Variants in RCAN2 observed in about 807,000 individuals in gnomAD.
The protein encoded by RCAN2 is regulator of calcineurin 2, also known as calcipressin-2.
Under a neutral mutation model 23.6 loss-of-function variants are expected in RCAN2, and 9 were observed. That is an observed-to-expected ratio of 0.38 (90% CI 0.23 to 0.67). The LOEUF is 0.67. RCAN2 is among the 30% of genes least tolerant of loss of function. The pLI is 0.51. For missense variants in RCAN2, 273 were observed against 302.3 expected (o/e 0.90, Z 0.72); for synonymous variants, 109 against 115.7 (o/e 0.94, Z 0.37).
intron 4 of RCAN2, among the ~76,000 whole-genome samples, chr6:46,224,077 G>A (rs1276384299): frequency 2.0e-5 from 3 of 152,182 alleles, no homozygotes; most frequent in Non-Finnish European, 2.9e-5. Flanking sequence ...ATAAAATGGT[G>A]AGCACTATGG....
chr6:46,396,202 G>C (rs1001169347), intron 2 of RCAN2, among the ~76,000 whole-genome samples: 1 of 152,034 alleles, frequency 6.6e-6, no homozygotes, highest in Admixed American at 6.6e-5. Flanking sequence ...TACAATTTTA[G>C]AATCATTTTT....
chr6:46,255,134 A>G (rs1766862758), intron 2 of RCAN2, among the ~76,000 whole-genome samples: 1 of 152,172 alleles, frequency 6.6e-6, no homozygotes, highest in African/African-American at 2.4e-5. Flanking sequence ...AGACCTACAG[A>G]ACCAGATGAC....
chr6:46,228,832 T>G (rs1765772436), intron 4 of RCAN2, among the ~76,000 whole-genome samples: 1 of 152,230 alleles, frequency 6.6e-6, no homozygotes, highest in Admixed American at 6.5e-5. Context: ...CTGGTTATTT[T>G]GTTCATTAGT....
At chr6:46,428,626 A>G (rs1767100844) in intron 2 of RCAN2, among the ~76,000 whole-genome samples, 1 of 152,220 alleles carries the variant, frequency 6.6e-6, no homozygotes, top group Non-Finnish European at 1.5e-5. Context: ...AGGGCCCAGG[A>G]CAGAGGAGCA....
At chr6:46,460,742 T>C (rs1358519394) in intron 1 of RCAN2, among the ~76,000 whole-genome samples, 1 of 152,190 alleles carries the variant, frequency 6.6e-6, no homozygotes, top group Non-Finnish European at 1.5e-5. Context: ...TAGAAAGCCC[T>C]CAAAATAATG....
chr6:46,279,141 G>A (rs1169412699), intron 2 of RCAN2, among the ~76,000 whole-genome samples: 1 of 152,122 alleles, frequency 6.6e-6, no homozygotes, highest in African/African-American at 2.4e-5. Context: ...ATAGTTTGAA[G>A]ACCTTCCCAT....
At chr6:46,462,056 A>G (rs1768232478) in intron 1 of RCAN2, among the ~76,000 whole-genome samples, 2 of 152,212 alleles carry the variant, frequency 1.3e-5, no homozygotes, top group African/African-American at 4.8e-5. Context: ...GGAAGTTGGC[A>G]CTGCAGAGGT....
chr6:46,266,155 G>C (rs1043229429), intron 2 of RCAN2, among the ~76,000 whole-genome samples: 43 of 152,280 alleles, frequency 2.8e-4, no homozygotes, highest in African/African-American at 1.0e-3. Context: ...TGAAGTTTAA[G>C]AGGTACCAGT....
chr6:46,402,317 C>T (rs897373483), intron 2 of RCAN2, among the ~76,000 whole-genome samples: 1 of 152,050 alleles, frequency 6.6e-6, no homozygotes, highest in Non-Finnish European at 1.5e-5. Context: ...CGTTGGGGCT[C>T]AGAAAATGAT....
chr6:46,268,187 C>A (rs573193566), intron 2 of RCAN2, among the ~76,000 whole-genome samples: 1 of 152,168 alleles, frequency 6.6e-6, no homozygotes, highest in Admixed American at 6.5e-5. Context: ...AATTTTTACT[C>A]GCTTCATTAA....
intron 2 of RCAN2, among the ~76,000 whole-genome samples, chr6:46,322,222 A>G (rs1277817881): frequency 6.6e-6 from 1 of 152,210 alleles, no homozygotes; most frequent in East Asian, 1.9e-4. Context: ...ACTGGAGAAC[A>G]TCAACCCTGC....
intron 2 of RCAN2, among the ~76,000 whole-genome samples, chr6:46,307,410 G>A (rs1763106334): frequency 2.0e-5 from 3 of 152,130 alleles, no homozygotes; most frequent in African/African-American, 7.2e-5. Flanking sequence ...AAGGCTGAGT[G>A]AGTGTATGTA....
At chr6:46,484,078 T>C (rs980765427) in intron 1 of RCAN2, among the ~76,000 whole-genome samples, 4 of 152,254 alleles carry the variant, frequency 2.6e-5, no homozygotes, top group African/African-American at 9.6e-5. Context: ...TACTGGACTT[T>C]TAGCTTTAAC....
intron 2 of RCAN2, among the ~76,000 whole-genome samples, chr6:46,256,260 C>G (rs1172440509): frequency 6.6e-6 from 1 of 152,070 alleles, no homozygotes; most frequent in Non-Finnish European, 1.5e-5. Flanking sequence ...ATCCCTACTA[C>G]TTGGGAGGCT....
intron 2 of RCAN2, among the ~76,000 whole-genome samples, chr6:46,334,830 C>T (rs1764090324): frequency 6.6e-6 from 1 of 152,170 alleles, no homozygotes; most frequent in Non-Finnish European, 1.5e-5. Context: ...GCCGTACCTT[C>T]CTCCCCGGGT....
intron 2 of RCAN2, among the ~76,000 whole-genome samples, chr6:46,347,129 C>A (rs1227943376): frequency 6.6e-6 from 1 of 152,172 alleles, no homozygotes; most frequent in African/African-American, 2.4e-5. Flanking sequence ...CCTGCCTCGG[C>A]CTCCCAAAGT....
intron 2 of RCAN2, among the ~76,000 whole-genome samples, chr6:46,433,348 C>A (rs1463328369): frequency 2.6e-5 from 4 of 152,150 alleles, no homozygotes; most frequent in Non-Finnish European, 4.4e-5. Context: ...TACCCGAGTC[C>A]CACCAAGGAT....
At chr6:46,345,664 T>C (rs1764460478) in intron 2 of RCAN2, among the ~76,000 whole-genome samples, 1 of 152,182 alleles carries the variant, frequency 6.6e-6, no homozygotes, top group African/African-American at 2.4e-5. Flanking sequence ...TTGCCTTTTT[T>C]ACTCCCATTT....
At chr6:46,314,380 G>T (rs925785677) in intron 2 of RCAN2, among the ~76,000 whole-genome samples, 1 of 121,258 alleles carries the variant, frequency 8.2e-6, no homozygotes, top group African/African-American at 3.0e-5. Context: ...AAAAAAAAAA[G>T]AAAAGAAAAA....
Sources: allele counts gnomAD v4.1 joint callset (sites outside exome capture counted in the v4.1 genomes callset), GRCh38; gene constraint gnomAD v4.1.1; transcripts MANE v1.5; gene names NCBI Gene and HGNC (gene_info 2026-07-23, HGNC 2026-07-21).